The following PRKG1 variants were observed in gnomAD, a reference collection of about 807,000 sequenced individuals.
PRKG1 encodes the protein protein kinase cGMP-dependent 1.
Under a neutral mutation model 88.1 loss-of-function variants are expected in PRKG1, and 35 were observed. The ratio of observed to expected loss-of-function variants is 0.40; its 90% CI spans 0.30 to 0.53. The LOEUF (loss-of-function observed/expected upper bound fraction) is 0.53. Ranked by LOEUF, PRKG1 falls within the 20% of genes least tolerant of loss-of-function variation. PRKG1 has a pLI of 0.59. For missense variants in PRKG1, 540 were observed against 839.8 expected (o/e 0.64, Z 4.41); for synonymous variants, 303 against 292.5 (o/e 1.04, Z -0.37).
chr10:51,323,619 C>A (rs1446998772), intron 2 of PRKG1, among the ~76,000 whole-genome samples: 1 of 152,186 alleles, frequency 6.6e-6, no homozygotes, highest in African/African-American at 2.4e-5. Flanking sequence ...TATATTTCTG[C>A]ATTCTACAAG....
At chr10:51,449,910 A>G (rs293263) in intron 2 of PRKG1, among the ~76,000 whole-genome samples, 53,052 of 151,436 alleles carry the variant, frequency 0.35, 10,549 homozygotes, top group African/African-American at 0.51. Flanking sequence ...GCTCAGATGA[A>G]AACTTCTTAT....
At chr10:51,392,814 A>AC (rs1245077593) in intron 2 of PRKG1, among the ~76,000 whole-genome samples, 26 of 130,258 alleles carry the variant, frequency 2.0e-4, no homozygotes, top group Admixed American at 3.0e-4. Flanking sequence ...CGGGGGGCTG[A>AC]CCCCCCACCT....
At chr10:51,805,095 C>T (rs922100763) in intron 4 of PRKG1, among the ~76,000 whole-genome samples, 3 of 152,078 alleles carry the variant, frequency 2.0e-5, no homozygotes, top group Admixed American at 6.6e-5. Flanking sequence ...TCTAAACAGA[C>T]TCACACTGTA....
chr10:52,091,124 T>C, intron 7 of PRKG1, among the ~76,000 whole-genome samples: 1 of 152,164 alleles, frequency 6.6e-6, no homozygotes, highest in Non-Finnish European at 1.5e-5. Context: ...CGGGCTCTTG[T>C]CTGTTGTAAT....
rs1211046621 is a variant in PRKG1, at chr10:52,296,639, A to G, written c.*2739A>G. 2 of 152,010 alleles carry G rather than the reference A, an allele frequency of 1.3e-5. No homozygotes were observed. The highest frequency in any genetic ancestry group is 1.3e-4 in the Admixed American group (2 of 15,250). 9.4% of individuals were successfully genotyped at this position (152,010 alleles called of 1,614,324 possible). ...ATAGTGCCAACTTGTTTGATTTGTTATATGATTTTCTTGTTAATGTGTTGA... is the reference window on the plus strand; with the variant it reads ...ATAGTGCCAACTTGTTTGATTTGTTGTATGATTTTCTTGTTAATGTGTTGA... On this transcript the variant is annotated 3_prime_UTR_variant, in exon 18 of 18. Transcript: ENST00000373980.
upstream of PRKG1, among the ~76,000 whole-genome samples, chr10:51,073,261 GGTGACTGCAGTATAGT>G (rs1321789063): frequency 1.3e-5 from 2 of 152,050 alleles, no homozygotes; most frequent in Non-Finnish European, 2.9e-5. Flanking sequence ...TAGAGGTGGG[GGTGACTGCAGTATAGT>G]GTACAATTCA....
chr10:51,159,489 A>C (rs751635834), intron 2 of PRKG1, among the ~76,000 whole-genome samples: 4 of 152,190 alleles, frequency 2.6e-5, no homozygotes, highest in Admixed American at 6.6e-5. Context: ...TTAATGTTAA[A>C]GAGAAAGCTT....
At chr10:51,790,956 G>A (rs1838855419) in intron 3 of PRKG1, among the ~76,000 whole-genome samples, 1 of 152,012 alleles carries the variant, frequency 6.6e-6, no homozygotes, top group Non-Finnish European at 1.5e-5. Flanking sequence ...TCCTATAATG[G>A]AAAACTTCTT....
intron 6 of PRKG1, among the ~76,000 whole-genome samples, chr10:52,062,303 G>A (rs1846255724): frequency 6.6e-6 from 1 of 152,124 alleles, no homozygotes; most frequent in African/African-American, 2.4e-5. Context: ...TACTGGTAAT[G>A]TATTATTTCT....
chr10:52,122,476 A>G (rs1847842676), intron 7 of PRKG1, among the ~76,000 whole-genome samples: 1 of 152,234 alleles, frequency 6.6e-6, no homozygotes, highest in Admixed American at 6.5e-5. Context: ...ATTACCTTAC[A>G]AAATTACATG....
chr10:51,805,523 T>C (rs1352352271), intron 4 of PRKG1, among the ~76,000 whole-genome samples: 1 of 152,066 alleles, frequency 6.6e-6, no homozygotes, highest in African/African-American at 2.4e-5. Flanking sequence ...ATACACAAGT[T>C]ATATGAGCAT....
At chr10:52,250,368 G>A (rs1305296356) in intron 9 of PRKG1, among the ~76,000 whole-genome samples, 1 of 152,168 alleles carries the variant, frequency 6.6e-6, no homozygotes, top group East Asian at 1.9e-4. Flanking sequence ...ATTGTAAATT[G>A]AAGAATGCAG....
At chr10:52,080,059 A>G (rs1342142789) in intron 7 of PRKG1, among the ~76,000 whole-genome samples, 1 of 152,216 alleles carries the variant, frequency 6.6e-6, no homozygotes, top group East Asian at 1.9e-4. Context: ...TTCAAGTCCT[A>G]CGACACAGCT....
At position 51,088,945 on chromosome 10, in the gene PRKG1, A is replaced by AT. The variant is rs374029174; in HGVS notation, c.311+14045dup. Among the ~76,000 whole-genome samples, 221 of 151,964 alleles carry AT rather than the reference A, an allele frequency of 1.5e-3. 1 individual carries two copies. Among genetic ancestry groups the AT allele is most frequent in the African/African-American group, 4.7e-3 (195 of 41,436 alleles). ...ACTGAGCTCAGTGGAATTTCCAAGCATGTTTGGTATTGCATTTGGATGCTT... is the reference window on the plus strand; with the variant it reads ...ACTGAGCTCAGTGGAATTTCCAAGCATTGTTTGGTATTGCATTTGGATGCTT... On this transcript the variant is annotated intron_variant, in intron 1 of 17. Coordinates refer to ENST00000373980, the MANE Select transcript of PRKG1 (RefSeq NM_006258.4).
At chr10:51,448,599 C>T (rs1454927321) in intron 2 of PRKG1, among the ~76,000 whole-genome samples, 1 of 152,020 alleles carries the variant, frequency 6.6e-6, no homozygotes, top group African/African-American at 2.4e-5. Context: ...TAGCAAACAA[C>T]AAACGAACAA....
chr10:51,781,032 G>C (rs12261076), intron 3 of PRKG1, among the ~76,000 whole-genome samples: 1 of 151,918 alleles, frequency 6.6e-6, no homozygotes, highest in South Asian at 2.1e-4. Flanking sequence ...TGGAAATGGC[G>C]TATTGGGAAA....
At chr10:51,012,628 CTATT>C (rs1293686108) in intron 1 of PRKG1, among the ~76,000 whole-genome samples, 1 of 152,198 alleles carries the variant, frequency 6.6e-6, no homozygotes, top group East Asian at 1.9e-4. Context: ...CATTCAGCAA[CTATT>C]TATTGAGTGC....
At chr10:51,698,645 C>A in intron 3 of PRKG1, 1 of 1,614,124 alleles carries the variant, frequency 6.2e-7, no homozygotes, top group Non-Finnish European at 8.5e-7. Flanking sequence ...CACTTGTCCC[C>A]GCTCTAAAGG....
intron 2 of PRKG1, among the ~76,000 whole-genome samples, chr10:51,332,712 G>T (rs985539725): frequency 1.3e-5 from 2 of 152,046 alleles, no homozygotes; most frequent in Non-Finnish European, 2.9e-5. Flanking sequence ...GATTAGTATA[G>T]TTACTTTTTC....
Sources: gnomAD v4.1 joint callset for allele counts (sites outside exome capture counted in the v4.1 genomes callset) on GRCh38, gnomAD v4.1.1 for gene constraint, MANE v1.5 for transcripts, NCBI Gene and HGNC (gene_info 2026-07-23, HGNC 2026-07-21) for gene names.